LOXL4: variants seen among roughly 807,000 people sequenced by gnomAD.
The protein encoded by LOXL4 is lysyl oxidase like 4, also known as lysyl oxidase homolog 4.
LOXL4 carries 72 observed loss-of-function variants against 89.1 expected under a neutral mutation model. The ratio of observed to expected loss-of-function variants is 0.81; its 90% CI spans 0.67 to 0.98. The LOEUF is 0.98. Ranked by LOEUF, LOXL4 falls within the 50% of genes least tolerant of loss-of-function variation. The probability of loss-of-function intolerance (pLI) is 0.00; values close to 1 mark genes in which losing one functional copy is unlikely to be tolerated. For missense variants in LOXL4, 984 were observed against 1,017.5 expected, an observed-to-expected ratio of 0.97 and a Z score of 0.45; for synonymous variants, 355 against 392.1, an observed-to-expected ratio of 0.91 and a Z score of 1.12.
chr10:98,262,846 A>C lies in LOXL4; in HGVS notation c.174T>G (p.Cys58Trp). ...VLHQGQWGTV[C>W]DDNFAIQEAT... is the part of the protein sequence containing the mutation. ...CCTCCTGGATAGCAAAGTTGTCATCACACACGGTGCCCCACTGGCCCTGGT... is the reference window on the plus strand; with the variant it reads ...CCTCCTGGATAGCAAAGTTGTCATCCCACACGGTGCCCCACTGGCCCTGGT... The change falls in exon 2 of 15, where the codon TGT becomes TGG. Residue 58 changes from cysteine (C) to tryptophan (W), a missense_variant. By Grantham distance (215) the Cys-to-Trp change is radical (BLOSUM62 -2). Coordinates refer to ENST00000260702, the MANE Select transcript of LOXL4 (RefSeq NM_032211.7). 1 of 1,613,746 alleles carries C rather than the reference A, an allele frequency of 6.2e-7. No homozygotes were observed. Among genetic ancestry groups the C allele is most frequent in the South Asian group, 1.1e-5 (1 of 91,082 alleles).
chr10:98,259,235 G>A lies in LOXL4; in HGVS notation c.702-7C>T. On this transcript the variant is annotated splice_polypyrimidine_tract_variant and splice_region_variant and intron_variant, in intron 5 of 14. Coordinates refer to ENST00000260702, the MANE Select transcript of LOXL4 (RefSeq NM_032211.7). ...ATTCGTCAGGCTCTTCAGCCTAGAG[G>A]ACAAGGGAGACTGAGGGTGGAGGAA... 1 of 1,608,160 alleles carries A rather than the reference G, an allele frequency of 6.2e-7. No homozygotes were observed. Among genetic ancestry groups the A allele is most frequent in the East Asian group, 2.2e-5 (1 of 44,762 alleles).
chr10:98,263,176 ACG>A, intron 1 of LOXL4, 125 bp from the exon 2 acceptor site: 2 of 447,810 alleles, frequency 4.5e-6, no homozygotes, highest in Non-Finnish European at 4.0e-6. Flanking sequence ...GTGTGTGTGC[ACG>A]CGCACACACA....
In LOXL4 at chr10:98,260,857, A is replaced by G. The variant is rs769670035; in HGVS notation, c.662+65T>C. ...CCCTACATCACATGCACGCACATGA[A>G]CACACACTCAGTCCCTGCCCCACAA... is the stretch of plus-strand genomic sequence containing the variant. On this transcript the variant is annotated intron_variant, in intron 4 of 14. Transcript: ENST00000260702. 18 of 1,502,214 alleles carry G rather than the reference A, an allele frequency of 1.2e-5. No homozygotes were observed. In the Admixed American group the frequency reaches 1.8e-4, roughly 15 times the overall value. 93.1% of individuals were successfully genotyped at this position (1,502,214 alleles called of 1,614,324 possible).
Position 98,259,009 on chromosome 10 carries a change from C to G in LOXL4, c.921G>C (p.Glu307Asp). 1 of 1,538,512 alleles carries G rather than the reference C, an allele frequency of 6.5e-7. No individual in the cohort carries two copies. Among genetic ancestry groups the G allele is most frequent in the Admixed American group, 2.0e-5 (1 of 50,372 alleles). Residue 307 changes from glutamate to aspartate, a missense_variant and splice_region_variant, in exon 6 of 15, where the codon GAG (glutamate) becomes GAC (aspartate). Physicochemically the swap from Glu to Asp is conservative, Grantham distance 45 (BLOSUM62 2). Coordinates refer to ENST00000260702, the MANE Select transcript of LOXL4 (RefSeq NM_032211.7). ...TKPQRKGSWA[E>D]EPRVRLRSGA... ...TGAGTGCAGGATGCCCAGGGCTCAC[C>G]TCTGCCCAGGACCCTTTGCGTTGTG...
chr10:98,261,119 C>A lies in LOXL4; in HGVS notation c.465G>T (p.Arg155=), dbSNP rs149581713. ...TGGGCTTGAGCCGCACCTCCTCCAG[C>A]CGCCGGCCCTGCGGGGTGCACAGTC... ...VSNALGPQGR[R]LEEVRLKPIL... The change falls in exon 4 of 15, where the codon CGG becomes CGT. Residue 155 remains arginine (R), a synonymous_variant. Transcript: ENST00000260702. 65 of 1,611,948 alleles carry A rather than the reference C, an allele frequency of 4.0e-5. No individual in the cohort carries two copies. In the African/African-American group the frequency reaches 8.0e-4, roughly 20 times the overall value.
Position 98,252,417 on chromosome 10 carries a change from A to G in LOXL4, c.1887T>C (p.Asn629=), listed in dbSNP as rs1858221003. The stretch of plus-strand genomic sequence containing the variant: ...TGTGCCCCTCAGCCACCTTGGAGCC[A>G]TTGAGAGTGAGGAGGTCGTAGTGGG... ...VFTHYDLLTL[N]GSKVAEGHKA... Residue 629 remains asparagine (N), a synonymous_variant, in exon 12 of 15, where the codon AAT becomes AAC. Coordinates refer to ENST00000260702, the MANE Select transcript of LOXL4 (RefSeq NM_032211.7). The G allele has an allele frequency of 6.2e-7, 1 of 1,614,008 alleles. No individual in the cohort carries two copies. Among genetic ancestry groups the G allele is most frequent in the African/African-American group, 1.3e-5 (1 of 74,924 alleles).
rs997303462 is a variant in LOXL4, at chr10:98,259,240, G to A, written c.702-12C>T. The A allele has an allele frequency of 1.2e-6, 2 of 1,606,700 alleles. No homozygotes were observed. The highest frequency in any genetic ancestry group is 4.4e-4 in the Middle Eastern group (2 of 4,524). ...TCAGGCTCTTCAGCCTAGAGGACAA[G>A]GGAGACTGAGGGTGGAGGAAGGGCT... On this transcript the variant is annotated splice_polypyrimidine_tract_variant and intron_variant, in intron 5 of 14. Transcript: ENST00000260702.
intron 1 of LOXL4, among the ~76,000 whole-genome samples, chr10:98,264,199 T>C (rs563697670): frequency 2.0e-5 from 3 of 151,000 alleles, no homozygotes; most frequent in Non-Finnish European, 4.4e-5. Context: ...GACACAGAAA[T>C]TAAGACATCG....
rs1325311583 is a variant in LOXL4, at chr10:98,251,099, A to G, written c.2166T>C (p.Asp722=). The stretch of plus-strand genomic sequence containing the variant: ...AGTTGTGCAGCCAGACCCGGTGCCC[A>G]TCATACTTGCAGCGGCACTGCAGCA... ...NNMLQCRCKY[D]GHRVWLHNCH... Residue 722 remains aspartate (D), a synonymous_variant, in exon 14 of 15, where the codon GAT becomes GAC. Coordinates refer to ENST00000260702, the MANE Select transcript of LOXL4 (RefSeq NM_032211.7). 1.9e-6 allele frequency: 3 copies of G among 1,614,152 alleles called. No individual in the cohort carries two copies. The highest frequency in any genetic ancestry group is 1.3e-5 in the African/African-American group (1 of 75,070).
intron 1 of LOXL4, among the ~76,000 whole-genome samples, chr10:98,266,377 C>T (rs990274398): frequency 5.9e-5 from 9 of 152,206 alleles, no homozygotes; most frequent in Non-Finnish European, 1.2e-4. Context: ...CCCTATCCGA[C>T]ATGCTCTGAT....
chr10:98,265,189 C>A (rs893346748), intron 1 of LOXL4, among the ~76,000 whole-genome samples: 2 of 152,118 alleles, frequency 1.3e-5, no homozygotes, highest in Non-Finnish European at 2.9e-5. Context: ...TGCTGGGGTT[C>A]GAATCCTGCC....
At position 98,262,077 on chromosome 10, in the gene LOXL4, A is replaced by G. The variant is rs748412901; in HGVS notation, c.414T>C (p.Arg138=). The change falls in exon 3 of 15, where the codon CGT becomes CGC. Residue 138 remains arginine, a synonymous_variant. Coordinates refer to ENST00000260702, the MANE Select transcript of LOXL4 (RefSeq NM_032211.7). ...VGVICHPRRH[R]GYLSETVSNA... ...TGGAGACAGTTTCAGAAAGGTAGCCACGATGGCGCCGGGGGTGGCATATCA... is the reference window on the plus strand; with the variant it reads ...TGGAGACAGTTTCAGAAAGGTAGCCGCGATGGCGCCGGGGGTGGCATATCA... 2 of 1,612,094 alleles carry G rather than the reference A, an allele frequency of 1.2e-6. No homozygotes were observed. The highest frequency in any genetic ancestry group is 3.3e-5 in the Admixed American group (2 of 59,720).
In LOXL4 at chr10:98,259,163, G is replaced by A. The variant is rs1172490699; in HGVS notation, c.767C>T (p.Pro256Leu). 6.2e-7 allele frequency: 1 copy of A among 1,612,166 alleles called. No homozygotes were observed. Among genetic ancestry groups the A allele is most frequent in the Admixed American group, 1.7e-5 (1 of 59,980 alleles). Residue 256 changes from proline to leucine, a missense_variant, in exon 6 of 15, where the codon CCC (proline) becomes CTC (leucine). Pro to Leu is a moderately conservative substitution (Grantham distance 98). Coordinates refer to ENST00000260702, the MANE Select transcript of LOXL4 (RefSeq NM_032211.7). The part of the protein sequence containing the change: ...IHQVTCLGTE[P>L]HMANCQVQVA... ...CTGCACCTGGCAGTTGGCCATGTGG[G>A]GCTCTGTCCCCAGGCAGGTGACCTG... is the stretch of plus-strand genomic sequence containing the variant.
In LOXL4 at chr10:98,267,255, C is replaced by T. The variant is rs76236157; in HGVS notation, c.-33+877G>A. ...AGGCCGGGAGCCGACTGAAATTCCA[C>T]CCTGTTCTGGTGGATTTATGACCCA... is the stretch of plus-strand genomic sequence containing the variant. On this transcript the variant is annotated intron_variant, in intron 1 of 14. Transcript: ENST00000260702. 1.7e-3 allele frequency among the ~76,000 whole-genome samples: 257 copies of T among 152,078 alleles called. 1 individual carries two copies. The highest frequency in any genetic ancestry group is 6.0e-3 in the African/African-American group (248 of 41,484).
At chr10:98,249,730 G>A (rs1858132861) in intron 14 of LOXL4, among the ~76,000 whole-genome samples, 1 of 152,182 alleles carries the variant, frequency 6.6e-6, no homozygotes, top group African/African-American at 2.4e-5. Flanking sequence ...GTCACTGCCT[G>A]GGAACCCTTG....
rs1793585311 is a variant in LOXL4, at chr10:98,262,849, C to T, written c.171G>A (p.Val57=). 6.2e-7 allele frequency: 1 copy of T among 1,613,772 alleles called. No homozygotes were observed. The highest frequency in any genetic ancestry group is 8.5e-7 in the Non-Finnish European group (1 of 1,180,044). The change falls in exon 2 of 15, where the codon GTG becomes GTA. Residue 57 remains valine, a synonymous_variant. Coordinates refer to ENST00000260702, the MANE Select transcript of LOXL4 (RefSeq NM_032211.7). ...CCTGGATAGCAAAGTTGTCATCACA[C>T]ACGGTGCCCCACTGGCCCTGGTGCA... ...EVLHQGQWGT[V]CDDNFAIQEA...
chr10:98,257,856 A>C (rs1316876216), intron 7 of LOXL4, 52 bp from the exon 8 acceptor site: 2 of 1,585,402 alleles, frequency 1.3e-6, no homozygotes, highest in Middle Eastern at 3.4e-4. Flanking sequence ...GTAACCCCAC[A>C]CTTGTGGCTT....
intron 9 of LOXL4, 109 bp downstream of exon 9, chr10:98,256,671 G>A (rs1326778541): frequency 1.6e-5 from 21 of 1,272,930 alleles, no homozygotes; most frequent in Non-Finnish European, 1.9e-5. Context: ...GTTTCACTCA[G>A]TAATGAATTG....
intron 4 of LOXL4, among the ~76,000 whole-genome samples, chr10:98,259,948 G>A (rs1243981051): frequency 2.0e-5 from 3 of 152,190 alleles, no homozygotes; most frequent in Admixed American, 6.5e-5. Flanking sequence ...TCCTCAGAAC[G>A]GGGTTCCTCT....
Sources: allele counts gnomAD v4.1 joint callset (sites outside exome capture counted in the v4.1 genomes callset), GRCh38; gene constraint gnomAD v4.1.1; transcripts MANE v1.5; gene names NCBI Gene and HGNC (gene_info 2026-07-23, HGNC 2026-07-21).